The following NR0B2 variants were observed in gnomAD, a reference collection of about 807,000 sequenced individuals.
NR0B2 encodes the protein nuclear receptor SHP.
Under a neutral mutation model 18.9 loss-of-function variants are expected in NR0B2, and 17 were observed. The ratio of observed to expected loss-of-function variants is 0.90; its 90% CI spans 0.62 to 1.35. The LOEUF (loss-of-function observed/expected upper bound fraction) is 1.35. Among genes scored for constraint, NR0B2 ranks in the 40% most tolerant of loss-of-function variants. NR0B2 has a pLI of 0.00. For synonymous variants in NR0B2, 116 were observed against 138.5 expected, an observed-to-expected ratio of 0.84 and a Z score of 1.14; for missense variants, 312 against 333.3, an observed-to-expected ratio of 0.94 and a Z score of 0.50.
intron 1 of NR0B2, among the ~76,000 whole-genome samples, 154 bp downstream of exon 1, chr1:26,913,250 GCACTC>G (rs2082038854): frequency 1.3e-5 from 2 of 152,204 alleles, no homozygotes; most frequent in Admixed American, 1.3e-4. Flanking sequence ...TCGCACCACT[GCACTC>G]CAGACTGGGT....
rs1055948542 is a variant in NR0B2, at chr1:26,913,837, G to A, written c.104C>T (p.Pro35Leu). 4.0e-6 allele frequency: 6 copies of A among 1,509,072 alleles called. No homozygotes were observed. The highest frequency in any genetic ancestry group is 5.3e-6 in the Non-Finnish European group (6 of 1,127,974). The allele number at this position is 1,509,072 out of a possible 1,614,324, so 93.5% of individuals were successfully genotyped here. Residue 35 changes from proline (P) to leucine (L), a missense_variant, in exon 1 of 2, where the codon CCC (proline) becomes CTC (leucine). Pro to Leu is a moderately conservative substitution (Grantham distance 98, BLOSUM62 -3). Transcript: ENST00000254227. ...CTGCCTACATAGGCAGCGGCTACGG[G>A]GTCGGGGGACAGCCTTGAGGCTGGA... ...LSSSLKAVPR[P>L]RSRCLCRQHR...
In NR0B2 at chr1:26,911,577, G is replaced by A. The variant is rs1481932818; in HGVS notation, c.*268C>T. 4.0e-6 allele frequency: 2 copies of A among 500,044 alleles called. No homozygotes were observed. The highest frequency in any genetic ancestry group is 3.7e-6 in the Non-Finnish European group (1 of 273,430). 31.0% of individuals were successfully genotyped at this position (500,044 alleles called of 1,614,324 possible). On this transcript the variant is annotated 3_prime_UTR_variant, in exon 2 of 2. Coordinates refer to ENST00000254227, the MANE Select transcript of NR0B2 (RefSeq NM_021969.3). ...ACTTCTGGTCCAATAAGCAGCCTAA[G>A]CTTTCATTCTCATCCCAAGAAGGGA...
At chr1:26,912,420 A>C (rs994049952) in intron 1 of NR0B2, among the ~76,000 whole-genome samples, 13 of 152,186 alleles carry the variant, frequency 8.5e-5, no homozygotes, top group African/African-American at 3.1e-4. Flanking sequence ...AAACGGGAAT[A>C]ATAATATTAA....
At chr1:26,912,615 T>G (rs2082035301) in intron 1 of NR0B2, among the ~76,000 whole-genome samples, 1 of 152,156 alleles carries the variant, frequency 6.6e-6, no homozygotes, top group Admixed American at 6.5e-5. Context: ...GCTCTCCAGA[T>G]TACAAACAGC....
Position 26,913,879 on chromosome 1 carries a change from A to G in NR0B2, c.62T>C (p.Leu21Pro). 2.0e-6 allele frequency: 3 copies of G among 1,493,278 alleles called. No individual in the cohort carries two copies. The highest frequency in any genetic ancestry group is 2.7e-6 in the Non-Finnish European group (3 of 1,119,844). 92.5% of individuals were successfully genotyped at this position (1,493,278 alleles called of 1,614,324 possible). A position where few individuals can be genotyped will look rare whatever the true frequency, so the allele number is the denominator to read the frequency against. Reference protein sequence around the residue: ...CQGAASRPAILYALLSSSLKA... With the variant: ...CQGAASRPAIPYALLSSSLKA... The stretch of plus-strand genomic sequence containing the variant: ...GAGGCTGGAGCTCAGAAGTGCGTAG[A>G]GAATGGCGGGGCGGCTTGCAGCTCC... The change falls in exon 1 of 2, where the codon CTC (leucine) becomes CCC (proline). Residue 21 changes from leucine (L) to proline (P), a missense_variant. Coordinates refer to ENST00000254227, the MANE Select transcript of NR0B2 (RefSeq NM_021969.3).
intron 1 of NR0B2, 26 bp from the exon 2 acceptor site, chr1:26,912,112 C>CT (rs1491039278): frequency 5.0e-6 from 8 of 1,611,962 alleles, no homozygotes; most frequent in Non-Finnish European, 6.8e-6. Flanking sequence ...GAGAAGAGGG[C>CT]TGGTGAGCAC....
In NR0B2 at chr1:26,913,423, A is replaced by T; in HGVS notation, c.518T>A (p.Ile173Asn). The change falls in exon 1 of 2, where the codon ATC becomes AAC. Residue 173 changes from isoleucine to asparagine, a missense_variant. By Grantham distance (149) the Ile-to-Asn change is moderately radical. Coordinates refer to ENST00000254227, the MANE Select transcript of NR0B2 (RefSeq NM_021969.3). ...TGGGAGCTCACCGGGGTTGAAGAGGATGGTCCCTTTCAGGCAGGCATATTC... is the reference window on the plus strand; with the variant it reads ...TGGGAGCTCACCGGGGTTGAAGAGGTTGGTCCCTTTCAGGCAGGCATATTC... ...PKEYACLKGT[I>N]LFNPDVPGLQ... The T allele has an allele frequency of 1.2e-6, 2 of 1,613,928 alleles. No individual in the cohort carries two copies. Among genetic ancestry groups the T allele is most frequent in the Non-Finnish European group, 1.7e-6 (2 of 1,179,982 alleles).
In NR0B2 at chr1:26,911,899, G is replaced by T; in HGVS notation, c.720C>A (p.Ile240=). ...GGCCAGCGATGTCAACATCTCCAAT[G>T]ATAGGGCGAAAGAAGAGGTCCCCAA... ...SLLGDLFFRP[I]IGDVDIAGLL... The change falls in exon 2 of 2, where the codon ATC becomes ATA. Residue 240 remains isoleucine (I), a synonymous_variant. Coordinates refer to ENST00000254227, the MANE Select transcript of NR0B2 (RefSeq NM_021969.3). The T allele has an allele frequency of 6.2e-7, 1 of 1,614,166 alleles. No homozygotes were observed. The highest frequency in any genetic ancestry group is 8.5e-7 in the Non-Finnish European group (1 of 1,179,998).
Position 26,911,832 on chromosome 1 carries a change from G to T in NR0B2, c.*13C>A. 6.2e-7 allele frequency: 1 copy of T among 1,614,098 alleles called. No individual in the cohort carries two copies. The highest frequency in any genetic ancestry group is 8.5e-7 in the Non-Finnish European group (1 of 1,180,012). ...GCCTCTGCCCACCTGATCTCTGCCT[G>T]GGCTGGAACAGGTCACCTGAGCAAA... On this transcript the variant is annotated 3_prime_UTR_variant, in exon 2 of 2. Coordinates refer to ENST00000254227, the MANE Select transcript of NR0B2 (RefSeq NM_021969.3).
In NR0B2 at chr1:26,913,428, C is replaced by T. The variant is rs748581012; in HGVS notation, c.513G>A (p.Gly171=). 3 of 1,614,088 alleles carry T rather than the reference C, an allele frequency of 1.9e-6. No homozygotes were observed. The highest frequency in any genetic ancestry group is 2.2e-5 in the South Asian group (2 of 91,058). ...LSPKEYACLK[G]TILFNPDVPG... Reference sequence around the variant, plus strand: ...GCTCACCGGGGTTGAAGAGGATGGTCCCTTTCAGGCAGGCATATTCCTTGG... The same window carrying T: ...GCTCACCGGGGTTGAAGAGGATGGTTCCTTTCAGGCAGGCATATTCCTTGG... The change falls in exon 1 of 2, where the codon GGG becomes GGA. Residue 171 remains glycine, a synonymous_variant. Transcript: ENST00000254227.
rs2082041829 is a variant in NR0B2 at position 26,913,595 on chromosome 1, T to C, written c.346A>G (p.Ser116Gly). The change falls in exon 1 of 2, where the codon AGC (serine) becomes GGC (glycine). Residue 116 changes from serine to glycine, a missense_variant. Ser to Gly is a moderately conservative substitution (Grantham distance 56). Transcript: ENST00000254227. ...TFEVAEAPVP[S>G]ILKKILLEEP... ...TCCAGCAGAATCTTCTTGAGTATGC[T>C]GGGCACCGGGGCCTCAGCCACCTCA... is the stretch of plus-strand genomic sequence containing the variant. 6.2e-7 allele frequency: 1 copy of C among 1,613,960 alleles called. No homozygotes were observed. Among genetic ancestry groups the C allele is most frequent in the Non-Finnish European group, 8.5e-7 (1 of 1,180,008 alleles).
chr1:26,913,369 T>G (rs1397707830), intron 1 of NR0B2, 40 bp downstream of exon 1: 1 of 1,604,352 alleles, frequency 6.2e-7, no homozygotes, highest in East Asian at 2.2e-5. Flanking sequence ...TGGCCCCTGC[T>G]TCAGCCTTGC....
rs1301951245 is a variant in NR0B2, at chr1:26,911,757, A to G, written c.*88T>C. On this transcript the variant is annotated 3_prime_UTR_variant, in exon 2 of 2. Transcript: ENST00000254227. ...CTGTCTATACAGGCTTGCCCCCTCC[A>G]GGAGCATTGGGTCACCTCTGGGGAT... 2.5e-5 allele frequency: 39 copies of G among 1,532,462 alleles called. No individual in the cohort carries two copies. The highest frequency in any genetic ancestry group is 3.3e-5 in the Non-Finnish European group (37 of 1,110,262). The allele number at this position is 1,532,462 out of a possible 1,614,324, so 94.9% of individuals were successfully genotyped here. A position where few individuals can be genotyped will look rare whatever the true frequency, so the allele number is the denominator to read the frequency against.
chr1:26,913,416 G>A lies in NR0B2; in HGVS notation c.525C>T (p.Phe175=). Residue 175 remains phenylalanine (F), a synonymous_variant, in exon 1 of 2, where the codon TTC becomes TTT. Transcript: ENST00000254227. ...EYACLKGTIL[F]NPDVPGLQAA... ...GAGTGTCTGGGAGCTCACCGGGGTTGAAGAGGATGGTCCCTTTCAGGCAGG... is the reference window on the plus strand; with the variant it reads ...GAGTGTCTGGGAGCTCACCGGGGTTAAAGAGGATGGTCCCTTTCAGGCAGG... 6.2e-7 allele frequency: 1 copy of A among 1,614,138 alleles called. No homozygotes were observed. The highest frequency in any genetic ancestry group is 8.5e-7 in the Non-Finnish European group (1 of 1,180,000).
intron 1 of NR0B2, 150 bp from the exon 2 acceptor site, chr1:26,912,236 G>A (rs1450461677): frequency 1.2e-6 from 1 of 803,480 alleles, no homozygotes; most frequent in Non-Finnish European, 2.0e-6. Flanking sequence ...TCCTTTAGAG[G>A]AGGTAATTTA....
At position 26,912,010 on chromosome 1, in the gene NR0B2, C is replaced by T. The variant is rs1286004894; in HGVS notation, c.609G>A (p.Leu203=). Residue 203 remains leucine, a synonymous_variant, in exon 2 of 2, where the codon CTG becomes CTA. Transcript: ENST00000254227. The stretch of plus-strand genomic sequence containing the variant: ...CTTGGGCTGCTGGGCACCAGGGTTC[C>T]AGGACTTCACACAGCACCCAGTGAG... ...QEAHWVLCEV[L]EPWCPAAQGR... 1.9e-6 allele frequency: 3 copies of T among 1,614,060 alleles called. No individual in the cohort carries two copies. In the African/African-American group the frequency reaches 4.0e-5, roughly 22 times the overall value.
intron 1 of NR0B2, among the ~76,000 whole-genome samples, chr1:26,912,385 C>T (rs2082033719): frequency 6.6e-6 from 1 of 152,118 alleles, no homozygotes; most frequent in Non-Finnish European, 1.5e-5. Context: ...CACTTAATCT[C>T]TGGGCTTCAG....
rs150160927 is a variant in NR0B2 at position 26,913,676 on chromosome 1, G to A, written c.265C>T (p.Gln89Ter). The change falls in exon 1 of 2, where the codon CAG becomes TAG. Residue 89 changes from glutamine to a stop codon, truncating the protein, a stop_gained. Coordinates refer to ENST00000254227, the MANE Select transcript of NR0B2 (RefSeq NM_021969.3). LOFTEE classifies it high-confidence loss of function. ...LPPQDQRRLL[Q>*]GCWGPLFLLG... Reference sequence around the variant, plus strand: ...AGGAAGAGGGGGCCCCAGCAACCCTGCAGCAGCCGCCGCTGGTCCTGGGGA... The same window carrying A: ...AGGAAGAGGGGGCCCCAGCAACCCTACAGCAGCCGCCGCTGGTCCTGGGGA... The A allele has an allele frequency of 2.7e-5, 44 of 1,613,170 alleles. No homozygotes were observed. The Middle Eastern group carries it at 1.2e-3, about 42-fold the overall frequency.
rs1346403502 is a variant in NR0B2, at chr1:26,913,961, T to C, written c.-21A>G. ...CTCATGGTTAGGGATCTGCTCTCAC[T>C]TCCAGCTCTCTGGCTCTGTGTTCTG... is the stretch of plus-strand genomic sequence containing the variant. On this transcript the variant is annotated 5_prime_UTR_variant, in exon 1 of 2. Transcript: ENST00000254227. The C allele has an allele frequency of 3.5e-6, 5 of 1,443,802 alleles. No homozygotes were observed. Among genetic ancestry groups the C allele is most frequent in the South Asian group, 1.8e-5 (1 of 55,774 alleles). 89.4% of individuals were successfully genotyped at this position (1,443,802 alleles called of 1,614,324 possible).
Sources: gnomAD v4.1 joint callset for allele counts (sites outside exome capture counted in the v4.1 genomes callset) on GRCh38, gnomAD v4.1.1 for gene constraint, MANE v1.5 for transcripts, NCBI Gene and HGNC (gene_info 2026-07-23, HGNC 2026-07-21) for gene names.